RAX: variants seen among roughly 807,000 people sequenced by gnomAD.
RAX encodes the protein retinal homeobox protein Rx.
A neutral mutation model predicts 17.4 loss-of-function variants in RAX; 11 were observed. The ratio of observed to expected loss-of-function variants is 0.63; its 90% confidence interval spans 0.40 to 1.05. The LOEUF (loss-of-function observed/expected upper bound fraction) is 1.05. RAX is among the 50% of genes least tolerant of loss of function. The pLI, the probability that RAX is intolerant of heterozygous loss-of-function variation, is 0.00. For missense variants in RAX, 527 were observed against 501.1 expected, an observed-to-expected ratio of 1.05 and a Z score of -0.49; for synonymous variants, 276 against 254.7, an observed-to-expected ratio of 1.08 and a Z score of -0.80.
In RAX at chr18:59,268,979, G is replaced by T. The variant is rs758351067; in HGVS notation, c.*25C>A. Reference sequence around the variant, plus strand: ...GTACGGTGCGGTCGGCCCGGGGTCGGATCCCAAGACGTTCCCCAGTGCCCC... The same window carrying T: ...GTACGGTGCGGTCGGCCCGGGGTCGTATCCCAAGACGTTCCCCAGTGCCCC... On this transcript the variant is annotated 3_prime_UTR_variant, in exon 3 of 3. Coordinates refer to ENST00000334889, the MANE Select transcript of RAX (RefSeq NM_013435.3). The surrounding 1 kb of genome is among the most constrained non-coding windows in gnomAD (Gnocchi z 4.4). 11 of 1,612,778 alleles carry T rather than the reference G, an allele frequency of 6.8e-6. No homozygotes were observed. Among genetic ancestry groups the T allele is most frequent in the Middle Eastern group, 1.6e-4 (1 of 6,072 alleles).
chr18:59,270,993 T>C (rs2070333988), intron 2 of RAX, among the ~76,000 whole-genome samples: 1 of 152,210 alleles, frequency 6.6e-6, no homozygotes, highest in Admixed American at 6.5e-5. Context: ...ACTGAAGGAT[T>C]GAGGTCGGTT....
In RAX at chr18:59,271,325, T is replaced by C. The variant is rs547174673; in HGVS notation, c.543+1036A>G. On this transcript the variant is annotated intron_variant, in intron 2 of 2. Coordinates refer to ENST00000334889, the MANE Select transcript of RAX (RefSeq NM_013435.3). ...TATTCATTCCCTCTCCCATCCTTCT[T>C]TTTTTGAAAGCAGGTGATAAAATTT... 1.3e-4 allele frequency among the ~76,000 whole-genome samples: 20 copies of C among 152,316 alleles called. 1 individual carries two copies. The South Asian group carries it at 4.1e-3, about 32-fold the overall frequency.
chr18:59,272,867 C>A (rs575704843), intron 1 of RAX, 51 bp downstream of exon 1: 2 of 1,491,708 alleles, frequency 1.3e-6, no homozygotes, highest in East Asian at 2.3e-5. Context: ...CTGGCCAACT[C>A]CTAAGCTCGG....
intron 2 of RAX, among the ~76,000 whole-genome samples, chr18:59,272,079 C>T (rs2070342192): frequency 1.3e-5 from 2 of 152,188 alleles, no homozygotes; most frequent in South Asian, 4.1e-4. Context: ...GTCTAATGAG[C>T]TGTCGGCCTC....
chr18:59,272,624 C>A lies in RAX; in HGVS notation c.290-10G>T, dbSNP rs2070348248. Reference sequence around the variant, plus strand: ...CAGTAGGGTCGAGGGGCTGGGGCGACGAGGCCCGGGAGGGTCAGATGCACT... The same window carrying A: ...CAGTAGGGTCGAGGGGCTGGGGCGAAGAGGCCCGGGAGGGTCAGATGCACT... On this transcript the variant is annotated splice_polypyrimidine_tract_variant and intron_variant, in intron 1 of 2. Transcript: ENST00000334889. 3 of 1,606,582 alleles carry A rather than the reference C, an allele frequency of 1.9e-6. No individual in the cohort carries two copies.
chr18:59,268,317 GCGCCTCTGGTCTAGGC>G lies in RAX; in HGVS notation c.*671_*686del, dbSNP rs1471753098. The stretch of plus-strand genomic sequence containing the variant: ...GCGCGCACGCCGGCTCCAGGGAAGG[GCGCCTCTGGTCTAGGC>G]CGCCGAAGCGTTCGGAATGGGGACG... On this transcript the variant is annotated 3_prime_UTR_variant, in exon 3 of 3. Transcript: ENST00000334889. The surrounding 1 kb of genome is among the most constrained non-coding windows in gnomAD (Gnocchi z 4.4). 1.3e-5 allele frequency: 2 copies of G among 152,398 alleles called. No individual in the cohort carries two copies. The highest frequency in any genetic ancestry group is 2.9e-5 in the Non-Finnish European group (2 of 68,232). The allele number at this position is 152,398 out of a possible 1,614,324, so 9.4% of individuals were successfully genotyped here.
chr18:59,269,599 C>A, intron 2 of RAX, 98 bp from the exon 3 acceptor site: 1 of 1,386,582 alleles, frequency 7.2e-7, no homozygotes, highest in Non-Finnish European at 9.7e-7. Flanking sequence ...CACTCCGTCC[C>A]CCTCAAATAA....
rs2070320000 is a variant in RAX, at chr18:59,269,729, TC to T, written c.544-229del. Among the ~76,000 whole-genome samples the T allele has an allele frequency of 7.3e-5, 8 of 109,632 alleles. No homozygotes were observed. In the South Asian group the frequency reaches 1.7e-3, roughly 24 times the overall value. 71.9% of individuals were successfully genotyped at this position (109,632 alleles called of 152,430 possible). Reference sequence around the variant, plus strand: ...CTTTTCCATCCCCTTTCTCTCTCTCTCTCTCTCTCTTTTTTTTTTTTTTTTG... The same window carrying T: ...CTTTTCCATCCCCTTTCTCTCTCTCTTCTCTCTCTTTTTTTTTTTTTTTTG... On this transcript the variant is annotated intron_variant, in intron 2 of 2. Coordinates refer to ENST00000334889, the MANE Select transcript of RAX (RefSeq NM_013435.3).
At position 59,268,762 on chromosome 18, in the gene RAX, G is replaced by A. The variant is rs915131501; in HGVS notation, c.*242C>T. The stretch of plus-strand genomic sequence containing the variant: ...GGGCCCGGCAGCCTGTTGCCCTCCA[G>A]CTGCAGGGCTGAGGTCCGCGAAGTG... On this transcript the variant is annotated 3_prime_UTR_variant, in exon 3 of 3. Transcript: ENST00000334889. The surrounding 1 kb of genome is among the most constrained non-coding windows in gnomAD (Gnocchi z 4.4). 2.5e-5 allele frequency: 16 copies of A among 645,330 alleles called. No homozygotes were observed. Among genetic ancestry groups the A allele is most frequent in the Non-Finnish European group, 3.6e-5 (14 of 389,790 alleles). 40.0% of individuals were successfully genotyped at this position (645,330 alleles called of 1,614,324 possible).
In RAX at chr18:59,269,133, C is replaced by A. The variant is rs368705776; in HGVS notation, c.912G>T (p.Pro304=). 67 of 1,604,688 alleles carry A rather than the reference C, an allele frequency of 4.2e-5. No homozygotes were observed. Among genetic ancestry groups the A allele is most frequent in the Admixed American group, 3.4e-5 (2 of 58,862 alleles). ...QPLAPPPPSY[P]CGPGFGDKFP... is the part of the protein sequence containing the mutation. ...ACTTGTCCCCGAAGCCGGGCCCGCA[C>A]GGGTAGGAGGGCGGCGGCGGCGCGA... Residue 304 remains proline, a synonymous_variant, in exon 3 of 3, where the codon CCG becomes CCT. Coordinates refer to ENST00000334889, the MANE Select transcript of RAX (RefSeq NM_013435.3).
At position 59,267,579 on chromosome 18, in the gene RAX, C is replaced by T. The variant is rs188553725; in HGVS notation, c.*1425G>A. 6.7e-6 allele frequency: 1 copy of T among 149,092 alleles called. No individual in the cohort carries two copies. The highest frequency in any genetic ancestry group is 2.0e-4 in the East Asian group (1 of 5,034). 9.2% of individuals were successfully genotyped at this position (149,092 alleles called of 1,614,324 possible). ...TAGCCAGTTGATGCTAATTAAGGCT[C>T]TGGGGGCATCATCCTGAAAGCACGC... On this transcript the variant is annotated 3_prime_UTR_variant, in exon 3 of 3. Transcript: ENST00000334889.
Position 59,267,459 on chromosome 18 carries a change from T to G in RAX, c.*1545A>C, listed in dbSNP as rs1296769074. The G allele has an allele frequency of 6.6e-6, 1 of 152,282 alleles. No individual in the cohort carries two copies. Among genetic ancestry groups the G allele is most frequent in the Non-Finnish European group, 1.5e-5 (1 of 68,070 alleles). The allele number at this position is 152,282 out of a possible 1,614,324, so 9.4% of individuals were successfully genotyped here. A position where few individuals can be genotyped will look rare whatever the true frequency, so the allele number is the denominator to read the frequency against. On this transcript the variant is annotated 3_prime_UTR_variant, in exon 3 of 3. Coordinates refer to ENST00000334889, the MANE Select transcript of RAX (RefSeq NM_013435.3). ...TCCACAAAGCCTTTACAGGTGATCT[T>G]ATTCCATCTTTCCCACCTTCCAGAG... is the stretch of plus-strand genomic sequence containing the variant.
chr18:59,272,270 T>A, intron 2 of RAX, 91 bp downstream of exon 2: 6 of 1,562,360 alleles, frequency 3.8e-6, no homozygotes, highest in Non-Finnish European at 5.3e-6. Context: ...CAGTAATAAA[T>A]GCATGGACAC....
rs1603388815 is a variant in RAX, at chr18:59,269,304, C to A, written c.741G>T (p.Pro247=). 2.3e-6 allele frequency: 3 copies of A among 1,282,180 alleles called. No homozygotes were observed. Among genetic ancestry groups the A allele is most frequent in the South Asian group, 5.2e-5 (2 of 38,488 alleles). The allele number at this position is 1,282,180 out of a possible 1,614,324, so 79.4% of individuals were successfully genotyped here. The change falls in exon 3 of 3, where the codon CCG becomes CCT. Residue 247 remains proline, a synonymous_variant. Coordinates refer to ENST00000334889, the MANE Select transcript of RAX (RefSeq NM_013435.3). ...GALPLESWLG[P]PLPGGGATAL... is the part of the protein sequence containing the mutation. ...CCGTGGCGCCCCCGCCCGGCAGCGGCGGCCCGAGCCAGGACTCCAGCGGCA... is the reference window on the plus strand; with the variant it reads ...CCGTGGCGCCCCCGCCCGGCAGCGGAGGCCCGAGCCAGGACTCCAGCGGCA...
Position 59,269,220 on chromosome 18 carries a change from C to A in RAX, c.825G>T (p.Thr275=), listed in dbSNP as rs1269608714. ...GGAAGGGCGGAGGCGGCGGCGGTGGCGTGTAGCTGGCAGGCAGGCTCTGCG... is the reference window on the plus strand; with the variant it reads ...GGAAGGGCGGAGGCGGCGGCGGTGGAGTGTAGCTGGCAGGCAGGCTCTGCG... The part of the protein sequence containing the change: ...PPAQSLPASY[T]PPPPPPPFLN... The change falls in exon 3 of 3, where the codon ACG becomes ACT. Residue 275 remains threonine, a synonymous_variant. Transcript: ENST00000334889. 2 of 1,526,038 alleles carry A rather than the reference C, an allele frequency of 1.3e-6. No individual in the cohort carries two copies. Among genetic ancestry groups the A allele is most frequent in the Non-Finnish European group, 8.8e-7 (1 of 1,142,456 alleles). The allele number at this position is 1,526,038 out of a possible 1,614,324, so 94.5% of individuals were successfully genotyped here.
At position 59,269,129 on chromosome 18, in the gene RAX, C is replaced by T. The variant is rs866212043; in HGVS notation, c.916G>A (p.Gly306Arg). 5.0e-6 allele frequency: 8 copies of T among 1,606,012 alleles called. No homozygotes were observed. In the Middle Eastern group the frequency reaches 6.7e-4, roughly 135 times the overall value. Residue 306 changes from glycine to arginine, a missense_variant, in exon 3 of 3, where the codon GGG (glycine) becomes AGG (arginine). Coordinates refer to ENST00000334889, the MANE Select transcript of RAX (RefSeq NM_013435.3). ...LAPPPPSYPC[G>R]PGFGDKFPLD... ...GGGAACTTGTCCCCGAAGCCGGGCC[C>T]GCACGGGTAGGAGGGCGGCGGCGGC...
At position 59,268,967 on chromosome 18, in the gene RAX, G is replaced by A; in HGVS notation, c.*37C>T. ...GAGAGGATGCGGGTACGGTGCGGTC[G>A]GCCCGGGGTCGGATCCCAAGACGTT... On this transcript the variant is annotated 3_prime_UTR_variant, in exon 3 of 3. Transcript: ENST00000334889. This position sits in a 1 kb window ranked among gnomAD's most constrained non-coding sequence, Gnocchi z 4.4. 6.2e-7 allele frequency: 1 copy of A among 1,612,736 alleles called. No individual in the cohort carries two copies. The highest frequency in any genetic ancestry group is 8.5e-7 in the Non-Finnish European group (1 of 1,179,828).
Position 59,269,383 on chromosome 18 carries a change from A to G in RAX, c.662T>C (p.Leu221Pro). Reference sequence around the variant, plus strand: ...GCCCGGGCCCGCCCCGAGGGGCGACAGCGTCGCGGAGGGCGGGGAGCGGCT... The same window carrying G: ...GCCCGGGCCCGCCCCGAGGGGCGACGGCGTCGCGGAGGGCGGGGAGCGGCT... ...SFSRSPPSAT[L>P]SPLGAGPGSG... is the part of the protein sequence containing the mutation. Residue 221 changes from leucine (L) to proline (P), a missense_variant, in exon 3 of 3, where the codon CTG becomes CCG. By Grantham distance (98) the Leu-to-Pro change is moderately conservative. Transcript: ENST00000334889. 2 of 1,500,820 alleles carry G rather than the reference A, an allele frequency of 1.3e-6. No individual in the cohort carries two copies. The highest frequency in any genetic ancestry group is 1.8e-6 in the Non-Finnish European group (2 of 1,130,168). The allele number at this position is 1,500,820 out of a possible 1,614,324, so 93.0% of individuals were successfully genotyped here.
At position 59,269,011 on chromosome 18, in the gene RAX, G is replaced by T. The variant is rs774359550; in HGVS notation, c.1034C>A (p.Ala345Asp). The change falls in exon 3 of 3, where the codon GCC (alanine) becomes GAC (aspartate). Residue 345 changes from alanine to aspartate, a missense_variant. Coordinates refer to ENST00000334889, the MANE Select transcript of RAX (RefSeq NM_013435.3). ...HIQAIGKPWQ[A>D]L ...AGACGTTCCCCAGTGCCCCTAGAGG[G>T]CCTGCCACGGCTTCCCGATGGCCTG... The T allele has an allele frequency of 4.3e-6, 7 of 1,612,928 alleles. No homozygotes were observed. The highest frequency in any genetic ancestry group is 5.9e-6 in the Non-Finnish European group (7 of 1,179,866).
Sources: allele counts gnomAD v4.1 joint callset (sites outside exome capture counted in the v4.1 genomes callset), GRCh38; gene constraint gnomAD v4.1.1; non-coding constraint Gnocchi (gnomAD v3.1); transcripts MANE v1.5; gene names NCBI Gene and HGNC (gene_info 2026-07-23, HGNC 2026-07-21).